Variants in CACNA2D1 observed in about 807,000 individuals in gnomAD.
CACNA2D1 encodes the protein voltage-dependent calcium channel subunit alpha-2/delta-1.
A neutral mutation model predicts 171.5 loss-of-function variants in CACNA2D1; 53 were observed. The ratio of observed to expected loss-of-function variants is 0.31; its 90% CI spans 0.25 to 0.39. The LOEUF is 0.39. Ranked by LOEUF, CACNA2D1 falls within the 10% of genes least tolerant of loss-of-function variation. The pLI is 1.00. For missense variants in CACNA2D1, 903 were observed against 1,299.8 expected (o/e 0.69, Z 4.69); for synonymous variants, 442 against 443.1 (o/e 1.00, Z 0.03).
At chr7:81,958,070 G>A (rs867163116) in intron 38 of CACNA2D1, among the ~76,000 whole-genome samples, 3 of 151,602 alleles carry the variant, frequency 2.0e-5, no homozygotes, top group Admixed American at 6.6e-5. Flanking sequence ...AATAACAGGA[G>A]TCCGCCTATC....
At chr7:82,434,340 T>C (rs1829944549) in intron 1 of CACNA2D1, among the ~76,000 whole-genome samples, 1 of 152,214 alleles carries the variant, frequency 6.6e-6, no homozygotes, top group African/African-American at 2.4e-5. Flanking sequence ...TATTGTTTTT[T>C]CTTAACTTTT....
At chr7:81,999,082 C>A (rs1798332766) in intron 18 of CACNA2D1, among the ~76,000 whole-genome samples, 1 of 151,870 alleles carries the variant, frequency 6.6e-6, no homozygotes, top group African/African-American at 2.4e-5. Flanking sequence ...ATCTTACATG[C>A]AATGGATAAT....
In CACNA2D1 at chr7:82,108,389, A is replaced by C. The variant is rs183072745; in HGVS notation, c.526+8655T>G. 1.5e-3 allele frequency among the ~76,000 whole-genome samples: 234 copies of C among 152,290 alleles called. 3 individuals carry two copies. Among genetic ancestry groups the C allele is most frequent in the East Asian group, 0.015 (76 of 5,166 alleles). On this transcript the variant is annotated intron_variant, in intron 6 of 38. Transcript: ENST00000356860. The stretch of plus-strand genomic sequence containing the variant: ...AAAGAGAAGGATTCCTCTTCATCGT[A>C]GAAGGCCACCAACCCTTTCAGATTG...
chr7:82,364,334 C>A (rs1821436869), intron 1 of CACNA2D1, among the ~76,000 whole-genome samples: 1 of 152,178 alleles, frequency 6.6e-6, no homozygotes, highest in Non-Finnish European at 1.5e-5. Context: ...AACTATGGAT[C>A]TAGCTCAAGA....
chr7:82,192,655 C>T (rs980310270), intron 3 of CACNA2D1, among the ~76,000 whole-genome samples: 5 of 151,500 alleles, frequency 3.3e-5, no homozygotes, highest in African/African-American at 1.2e-4. Context: ...TTTGACTGAG[C>T]CAACTGCCTG....
chr7:82,080,169 G>A (rs1456319255), intron 7 of CACNA2D1, among the ~76,000 whole-genome samples: 1 of 149,298 alleles, frequency 6.7e-6, no homozygotes, highest in African/African-American at 2.5e-5. Flanking sequence ...GTATATAGGT[G>A]TGTATATATA....
intron 34 of CACNA2D1, 133 bp downstream of exon 34, chr7:81,963,923 A>G: frequency 1.4e-6 from 1 of 712,980 alleles, no homozygotes; most frequent in Non-Finnish European, 2.5e-6. Context: ...CCAATAGGTG[A>G]TGTAAAGAAT....
chr7:81,967,860 T>C (rs896963742), intron 29 of CACNA2D1, among the ~76,000 whole-genome samples, 197 bp from the exon 30 acceptor site: 1 of 151,512 alleles, frequency 6.6e-6, no homozygotes, highest in Non-Finnish European at 1.5e-5. Context: ...AGTGTATTCA[T>C]TAGCCACAAC....
At chr7:82,401,220 G>A (rs1331347472) in intron 1 of CACNA2D1, among the ~76,000 whole-genome samples, 1 of 152,124 alleles carries the variant, frequency 6.6e-6, no homozygotes, top group East Asian at 1.9e-4. Flanking sequence ...ATACCCAAAG[G>A]ACTATAAATC....
intron 37 of CACNA2D1, 63 bp downstream of exon 37, chr7:81,959,657 G>A (rs1793864492): frequency 6.7e-7 from 1 of 1,499,858 alleles, no homozygotes; most frequent in African/African-American, 1.4e-5. Context: ...TAAACAATGT[G>A]ACAAGATTCA....
intron 3 of CACNA2D1, among the ~76,000 whole-genome samples, chr7:82,261,488 G>A (rs1807096305): frequency 6.6e-6 from 1 of 152,030 alleles, no homozygotes; most frequent in South Asian, 2.1e-4. Context: ...CTGCTTTCAG[G>A]TACCATTCAA....
chr7:82,122,297 A>T (rs546318123), intron 5 of CACNA2D1, among the ~76,000 whole-genome samples: 1 of 152,354 alleles, frequency 6.6e-6, no homozygotes, highest in African/African-American at 2.4e-5. Flanking sequence ...AATTTAAAAG[A>T]CAAAATTGAC....
At chr7:82,048,842 C>G (rs6979889) in intron 10 of CACNA2D1, among the ~76,000 whole-genome samples, 149,359 of 152,222 alleles carry the variant, frequency 0.98, 73,320 homozygotes, top group Non-Finnish European at 1. Flanking sequence ...AATAAGTACT[C>G]ACATACATGA....
intron 3 of CACNA2D1, among the ~76,000 whole-genome samples, chr7:82,190,173 A>T (rs1798151205): frequency 6.6e-6 from 1 of 151,802 alleles, no homozygotes. Context: ...AAACAATCTT[A>T]GTCACTAAAA....
Position 82,282,710 on chromosome 7 carries a change from G to GGC in CACNA2D1, c.294+52424_294+52425insGC, listed in dbSNP as rs1177420977. 5.4e-5 allele frequency among the ~76,000 whole-genome samples: 8 copies of GGC among 148,756 alleles called. 1 individual carries two copies. Among genetic ancestry groups the GGC allele is most frequent in the Admixed American group, 2.0e-4 (3 of 14,968 alleles). On this transcript the variant is annotated intron_variant, in intron 3 of 38. Transcript: ENST00000356860. Reference sequence around the variant, plus strand: ...TAAATAAAATTGTAAAATGTGGGGGGGGGAATCACAGAGGGTTATCTATAA... The same window carrying GGC: ...TAAATAAAATTGTAAAATGTGGGGGGGCGGGAATCACAGAGGGTTATCTATAA...
intron 3 of CACNA2D1, among the ~76,000 whole-genome samples, chr7:82,221,783 A>T (rs1801800327): frequency 6.6e-6 from 1 of 151,780 alleles, no homozygotes; most frequent in Non-Finnish European, 1.5e-5. Flanking sequence ...CCAAAAAAAA[A>T]AAAAACACTA....
At chr7:82,167,297 T>C (rs931682014) in intron 4 of CACNA2D1, among the ~76,000 whole-genome samples, 1 of 152,096 alleles carries the variant, frequency 6.6e-6, no homozygotes, top group African/African-American at 2.4e-5. Context: ...TACAATTGTT[T>C]TGTGTGCTTT....
intron 3 of CACNA2D1, among the ~76,000 whole-genome samples, chr7:82,303,521 T>C (rs1445389567): frequency 6.7e-6 from 1 of 148,564 alleles, no homozygotes; most frequent in Non-Finnish European, 1.5e-5. Flanking sequence ...GAGGCATCAG[T>C]ACCTGACTTC....
chr7:82,313,304 G>T (rs751340135), intron 3 of CACNA2D1, among the ~76,000 whole-genome samples: 9 of 151,954 alleles, frequency 5.9e-5, no homozygotes, highest in Non-Finnish European at 1.5e-5. Context: ...ATATTTCTTT[G>T]ACCTATTTTG....
Sources: allele counts gnomAD v4.1 joint callset (sites outside exome capture counted in the v4.1 genomes callset), GRCh38; gene constraint gnomAD v4.1.1; transcripts MANE v1.5; gene names NCBI Gene and HGNC (gene_info 2026-07-23, HGNC 2026-07-21).